The following TNNI3K variants were observed in gnomAD, a reference collection of about 807,000 sequenced individuals.
The protein encoded by TNNI3K is TNNI3 interacting kinase.
Under a neutral mutation model 114.5 loss-of-function variants are expected in TNNI3K, and 140 were observed. That is an observed-to-expected ratio of 1.22 (90% CI 1.07 to 1.41). The LOEUF is 1.41. TNNI3K is among the 40% of genes most tolerant of loss of function. The pLI, the probability that TNNI3K is intolerant of heterozygous loss-of-function variation, is 0.00. For missense variants in TNNI3K, 1,125 were observed against 1,007.6 expected (o/e 1.12, Z -1.58); for synonymous variants, 347 against 347.5 (o/e 1.00, Z 0.02).
chr1:74,350,632 T>C (rs1031641546), intron 9 of TNNI3K, among the ~76,000 whole-genome samples: 2 of 152,052 alleles, frequency 1.3e-5, no homozygotes, highest in African/African-American at 4.8e-5. Flanking sequence ...AGGACTTGCT[T>C]TATGAATCTG....
intron 17 of TNNI3K, among the ~76,000 whole-genome samples, chr1:74,387,676 T>C (rs549426993): frequency 2.0e-5 from 3 of 152,282 alleles, no homozygotes; most frequent in East Asian, 3.9e-4. Context: ...AACCAAAATA[T>C]AGCAGAAAGA....
intron 17 of TNNI3K, among the ~76,000 whole-genome samples, chr1:74,407,354 C>T (rs17095268): frequency 0.031 from 4,719 of 152,040 alleles, 234 homozygotes; most frequent in African/African-American, 0.11. Context: ...GGGATTTCTG[C>T]CATATCAGAT....
chr1:74,346,612 C>A (rs1257287949), intron 9 of TNNI3K, among the ~76,000 whole-genome samples: 1 of 150,466 alleles, frequency 6.6e-6, no homozygotes, highest in Non-Finnish European at 1.5e-5. Flanking sequence ...TTTTTCATCA[C>A]CTCCTCCCTT....
chr1:74,434,505 A>G (rs1006409816), intron 17 of TNNI3K, among the ~76,000 whole-genome samples: 5 of 151,932 alleles, frequency 3.3e-5, no homozygotes, highest in African/African-American at 1.2e-4. Context: ...ATATTTATAC[A>G]CTTACTAACT....
intron 17 of TNNI3K, among the ~76,000 whole-genome samples, chr1:74,414,512 A>G (rs1401336750): frequency 6.6e-6 from 1 of 152,298 alleles, no homozygotes; most frequent in East Asian, 1.9e-4. Context: ...TTCTCTTGCT[A>G]TTCAGCAATG....
At chr1:74,463,327 T>A in intron 20 of TNNI3K, 114 bp from the exon 21 acceptor site, 1 of 1,094,782 alleles carries the variant, frequency 9.1e-7, no homozygotes, top group South Asian at 1.4e-5. Flanking sequence ...TCTTTGAATG[T>A]CTGCTGATGT....
rs868764872 is a variant in TNNI3K, at chr1:74,435,754, T to A, written c.1773-326T>A. 5.3e-5 allele frequency among the ~76,000 whole-genome samples: 8 copies of A among 152,188 alleles called. No individual in the cohort carries two copies. In the Middle Eastern group the frequency reaches 0.02, roughly 388 times the overall value. On this transcript the variant is annotated intron_variant, in intron 17 of 24. Coordinates refer to ENST00000326637, the MANE Select transcript of TNNI3K (RefSeq NM_015978.3). ...CATGATGCTTTTCACTCTTTCCTTG[T>A]AACCACAATTGTGTTAGCAAATGAG...
chr1:74,439,351 A>G (rs1666272275), intron 19 of TNNI3K, 139 bp from the exon 20 acceptor site: 1 of 1,340,602 alleles, frequency 7.5e-7, no homozygotes, highest in African/African-American at 1.5e-5. Flanking sequence ...TGAGGGCAAT[A>G]TGTATGGATG....
chr1:74,258,018 G>C (rs868503584), intron 4 of TNNI3K, among the ~76,000 whole-genome samples: 67 of 152,040 alleles, frequency 4.4e-4, no homozygotes, highest in African/African-American at 1.6e-3. Context: ...ACCTGAACAT[G>C]GTGCTTACTC....
chr1:74,281,327 A>G (rs972601495), intron 5 of TNNI3K, among the ~76,000 whole-genome samples: 3 of 62,424 alleles, frequency 4.8e-5, no homozygotes, highest in Non-Finnish European at 9.4e-5. Flanking sequence ...ATCACCCACA[A>G]TAATAGATGT....
intron 19 of TNNI3K, among the ~76,000 whole-genome samples, chr1:74,437,458 T>C (rs1273538888): frequency 2.0e-5 from 3 of 151,642 alleles, no homozygotes; most frequent in East Asian, 3.9e-4. Flanking sequence ...GCAGAGTAAA[T>C]GAATGGAGAG....
rs1465602365 is a variant in TNNI3K at position 74,369,455 on chromosome 1, C to T, written c.1537C>T (p.Leu513Phe). Residue 513 changes from leucine (L) to phenylalanine (F), a missense_variant, in exon 16 of 25, where the codon CTC becomes TTC. Physicochemically the swap from Leu to Phe is conservative, Grantham distance 22. Transcript: ENST00000326637. ...TATGTTTTGCCGAGAGGTGTCCATT[C>T]TCTGCCAGCTCAATCATCCCTGCGT... ...VDMFCREVSILCQLNHPCVIQ... is the reference protein window; with the variant it reads ...VDMFCREVSIFCQLNHPCVIQ... 6.2e-7 allele frequency: 1 copy of T among 1,612,686 alleles called. No individual in the cohort carries two copies. Among genetic ancestry groups the T allele is most frequent in the East Asian group, 2.2e-5 (1 of 44,826 alleles).
intron 21 of TNNI3K, among the ~76,000 whole-genome samples, chr1:74,486,201 AAGAGAGAG>A (rs58506314): frequency 6.6e-5 from 9 of 136,410 alleles, no homozygotes; most frequent in African/African-American, 1.6e-4. Context: ...AAATGCTATA[AAGAGAGAG>A]AGAGAGAGAG....
At chr1:74,317,616 A>G (rs1233177980) in intron 5 of TNNI3K, among the ~76,000 whole-genome samples, 2 of 152,204 alleles carry the variant, frequency 1.3e-5, no homozygotes, top group African/African-American at 4.8e-5. Flanking sequence ...GAAAATGGCC[A>G]GGGACCAGGT....
chr1:74,534,443 C>A (rs1199327136), intron 23 of TNNI3K, among the ~76,000 whole-genome samples: 1 of 152,114 alleles, frequency 6.6e-6, no homozygotes, highest in Non-Finnish European at 1.5e-5. Flanking sequence ...AAGCCAAAAC[C>A]ATGATTCATT....
At chr1:74,463,670 T>A in intron 21 of TNNI3K, 120 bp downstream of exon 21, 1 of 1,099,906 alleles carries the variant, frequency 9.1e-7, no homozygotes, top group Non-Finnish European at 1.3e-6. Context: ...GAAGACTGAT[T>A]TGCCTTCTGC....
At chr1:74,343,046 T>C (rs1330945899) in intron 8 of TNNI3K, 29 bp from the exon 9 acceptor site, 1 of 1,613,192 alleles carries the variant, frequency 6.2e-7, no homozygotes, top group Admixed American at 1.7e-5. Context: ...TTGCTTACAA[T>C]ATTAACAAGA....
intron 21 of TNNI3K, among the ~76,000 whole-genome samples, chr1:74,488,693 G>C (rs144892164): frequency 2.0e-5 from 3 of 152,222 alleles, no homozygotes; most frequent in African/African-American, 7.2e-5. Flanking sequence ...AAGGTAAAAA[G>C]CTTACCTTAA....
At chr1:74,509,902 C>T (rs1303846310) in intron 23 of TNNI3K, among the ~76,000 whole-genome samples, 4 of 151,592 alleles carry the variant, frequency 2.6e-5, no homozygotes, top group Non-Finnish European at 4.4e-5. Context: ...TACAGGCATA[C>T]GCCACTGCAC....
Sources: allele counts gnomAD v4.1 joint callset (sites outside exome capture counted in the v4.1 genomes callset), GRCh38; gene constraint gnomAD v4.1.1; transcripts MANE v1.5; gene names NCBI Gene and HGNC (gene_info 2026-07-23, HGNC 2026-07-21).